The following TNFRSF11A variants were observed in gnomAD, a reference collection of about 807,000 sequenced individuals.
TNFRSF11A encodes the protein TNF receptor superfamily member 11a.
TNFRSF11A carries 32 observed loss-of-function variants against 55.7 expected under a neutral mutation model. That is an observed-to-expected ratio of 0.57 (90% CI 0.43 to 0.77). The LOEUF is 0.77. Among genes scored for constraint, TNFRSF11A ranks in the 30% least tolerant of loss-of-function variants. The pLI is 0.00. For missense variants in TNFRSF11A, 753 were observed against 809.8 expected, an observed-to-expected ratio of 0.93 and a Z score of 0.85; for synonymous variants, 311 against 331.0, an observed-to-expected ratio of 0.94 and a Z score of 0.65.
At chr18:62,384,618 G>A in intron 9 of TNFRSF11A, 133 bp from the exon 10 acceptor site, 4 of 1,024,238 alleles carry the variant, frequency 3.9e-6, no homozygotes, top group Non-Finnish European at 2.9e-6. Context: ...GAGGGTTACA[G>A]TGTGGTTCCC....
intron 3 of TNFRSF11A, among the ~76,000 whole-genome samples, chr18:62,350,905 T>C (rs1449325010): frequency 6.6e-6 from 1 of 152,158 alleles, no homozygotes; most frequent in Non-Finnish European, 1.5e-5. Flanking sequence ...AACCGTGATG[T>C]TAGTCCTGTG....
chr18:62,365,600 G>T (rs1253863849), intron 7 of TNFRSF11A, among the ~76,000 whole-genome samples: 2 of 152,030 alleles, frequency 1.3e-5, no homozygotes, highest in Non-Finnish European at 2.9e-5. Context: ...GTTCTTCTAT[G>T]ATGTCTAACT....
At chr18:62,350,503 A>C (rs1449742269) in intron 3 of TNFRSF11A, among the ~76,000 whole-genome samples, 1 of 152,142 alleles carries the variant, frequency 6.6e-6, no homozygotes, top group Admixed American at 6.5e-5. Context: ...CATGTTAGCC[A>C]GGATGGTCTC....
At chr18:62,347,346 G>T (rs1839442019) in intron 1 of TNFRSF11A, among the ~76,000 whole-genome samples, 1 of 152,164 alleles carries the variant, frequency 6.6e-6, no homozygotes, top group Admixed American at 6.5e-5. Flanking sequence ...ATCAGGAAAA[G>T]AACTTTTCTG....
intron 9 of TNFRSF11A, among the ~76,000 whole-genome samples, chr18:62,375,516 T>C (rs1292252114): frequency 6.6e-6 from 1 of 152,226 alleles, no homozygotes; most frequent in Non-Finnish European, 1.5e-5. Context: ...TCAGTCATAT[T>C]GTGTTCAGGG....
chr18:62,342,752 C>T (rs914742803), intron 1 of TNFRSF11A, among the ~76,000 whole-genome samples: 21 of 152,114 alleles, frequency 1.4e-4, no homozygotes, highest in African/African-American at 5.1e-4. Flanking sequence ...CACTTGTGAC[C>T]GGGAGAAACT....
chr18:62,359,591 C>G (rs565614490), intron 5 of TNFRSF11A, among the ~76,000 whole-genome samples: 29 of 152,232 alleles, frequency 1.9e-4, no homozygotes, highest in African/African-American at 7.0e-4. Context: ...GTTGCCCAGG[C>G]TAGTCTCTAA....
chr18:62,351,029 G>A (rs1359887287), intron 3 of TNFRSF11A, among the ~76,000 whole-genome samples: 4 of 135,650 alleles, frequency 2.9e-5, no homozygotes, highest in Non-Finnish European at 6.2e-5. Context: ...TTGAGATGGA[G>A]TCTTGCTCTG....
At chr18:62,347,913 AC>A (rs773575725) in intron 1 of TNFRSF11A, among the ~76,000 whole-genome samples, 2 of 140,148 alleles carry the variant, frequency 1.4e-5, no homozygotes, top group Non-Finnish European at 1.6e-5. Context: ...AAAAAAAAAA[AC>A]AAAAAAACAA....
intron 3 of TNFRSF11A, among the ~76,000 whole-genome samples, chr18:62,351,304 GA>G (rs2046468455): frequency 6.6e-6 from 1 of 152,144 alleles, no homozygotes; most frequent in Non-Finnish European, 1.5e-5. Context: ...TGCCCGGCCT[GA>G]CCCCTTCTTA....
Position 62,366,787 on chromosome 18 carries a change from T to C in TNFRSF11A, c.783+27T>C, listed in dbSNP as rs376072880. On this transcript the variant is annotated intron_variant, in intron 8 of 9. Transcript: ENST00000586569. Reference sequence around the variant, plus strand: ...TAGAGTGAACAGTTGTTGGTGCCTCTGTTAAGTACATTCAACAGTTAGGCT... The same window carrying C: ...TAGAGTGAACAGTTGTTGGTGCCTCCGTTAAGTACATTCAACAGTTAGGCT... The C allele has an allele frequency of 2.1e-5, 34 of 1,613,366 alleles. No homozygotes were observed. In the African/African-American group the frequency reaches 4.3e-4, roughly 20 times the overall value.
intron 3 of TNFRSF11A, among the ~76,000 whole-genome samples, chr18:62,352,354 A>G (rs1477296458): frequency 6.6e-6 from 1 of 152,228 alleles, no homozygotes; most frequent in Non-Finnish European, 1.5e-5. Context: ...AATGGACAGA[A>G]TTAGAGAATA....
chr18:62,358,715 T>C (rs903773554), intron 5 of TNFRSF11A, among the ~76,000 whole-genome samples: 3 of 152,250 alleles, frequency 2.0e-5, no homozygotes, highest in Non-Finnish European at 4.4e-5. Flanking sequence ...TGTGTACATA[T>C]AGAAGCCTCC....
At position 62,359,951 on chromosome 18, in the gene TNFRSF11A, A is replaced by T; in HGVS notation, c.522-4A>T. 3.1e-6 allele frequency: 5 copies of T among 1,613,526 alleles called. No homozygotes were observed. Among genetic ancestry groups the T allele is most frequent in the Non-Finnish European group, 4.2e-6 (5 of 1,179,518 alleles). On this transcript the variant is annotated splice_polypyrimidine_tract_variant and splice_region_variant and intron_variant, in intron 5 of 9. Coordinates refer to ENST00000586569, the MANE Select transcript of TNFRSF11A (RefSeq NM_003839.4). ...AAAGCACTGAACCACCTTTTCCCCC[A>T]CAGCTGTACCTTCCTTGGAAAGAGA... is the stretch of plus-strand genomic sequence containing the variant.
chr18:62,356,193 T>A (rs1173785064), intron 4 of TNFRSF11A, among the ~76,000 whole-genome samples: 1 of 152,200 alleles, frequency 6.6e-6, no homozygotes, highest in Non-Finnish European at 1.5e-5. Context: ...AGGCACCTGG[T>A]TTTAACCCAA....
chr18:62,353,214 G>A (rs150476023), intron 3 of TNFRSF11A, among the ~76,000 whole-genome samples: 85 of 152,296 alleles, frequency 5.6e-4, no homozygotes, highest in East Asian at 3.7e-3. Context: ...TGATCACCAC[G>A]TAAACTTGTT....
chr18:62,325,312 A>G lies in TNFRSF11A; in HGVS notation c.-41A>G. The G allele has an allele frequency of 3.1e-6, 3 of 954,868 alleles. No individual in the cohort carries two copies. Among genetic ancestry groups the G allele is most frequent in the Non-Finnish European group, 3.8e-6 (3 of 798,410 alleles). 59.1% of individuals were successfully genotyped at this position (954,868 alleles called of 1,614,324 possible). A position where few individuals can be genotyped will look rare whatever the true frequency, so the allele number is the denominator to read the frequency against. On this transcript the variant is annotated 5_prime_UTR_variant, in exon 1 of 10. Transcript: ENST00000586569. This position sits in a 1 kb window ranked among gnomAD's most constrained non-coding sequence, Gnocchi z 4.7. The stretch of plus-strand genomic sequence containing the variant: ...GGCAGCCGCGCCCGCTGGGCCACAG[A>G]GGCCGCTGAGGCCGCGGCGCCCGCC...
chr18:62,363,365 CT>C lies in TNFRSF11A; in HGVS notation c.730+1593del, dbSNP rs386387923. Among the ~76,000 whole-genome samples, 499 of 106,704 alleles carry C rather than the reference CT, an allele frequency of 4.7e-3. 2 individuals carry two copies. Among genetic ancestry groups the C allele is most frequent in the African/African-American group, 0.014 (368 of 26,500 alleles). 70.0% of individuals were successfully genotyped at this position (106,704 alleles called of 152,430 possible). On this transcript the variant is annotated intron_variant, in intron 7 of 9. Transcript: ENST00000586569. Reference sequence around the variant, plus strand: ...AGTGAGCAATGTTTGAGTGATGACCCTTTTTTTTTTTTTTTTTTTTTGAGAC... The same window carrying C: ...AGTGAGCAATGTTTGAGTGATGACCCTTTTTTTTTTTTTTTTTTTTGAGAC...
rs1254994066 is a variant in TNFRSF11A at position 62,369,338 on chromosome 18, A to G, written c.1421A>G (p.Tyr474Cys). The G allele has an allele frequency of 1.2e-6, 2 of 1,609,816 alleles. No individual in the cohort carries two copies. Among genetic ancestry groups the G allele is most frequent in the Non-Finnish European group, 1.7e-6 (2 of 1,178,162 alleles). Residue 474 changes from tyrosine (Y) to cysteine (C), a missense_variant, in exon 9 of 10, where the codon TAT becomes TGT. By Grantham distance (194) the Tyr-to-Cys change is radical (BLOSUM62 -2). Transcript: ENST00000586569. ...PKRGPLPQCA[Y>C]GMGLPPEEEA... is the part of the protein sequence containing the mutation. ...CGTGGACCCTTGCCCCAGTGCGCCTATGGCATGGGCCTTCCCCCTGAAGAA... is the reference window on the plus strand; with the variant it reads ...CGTGGACCCTTGCCCCAGTGCGCCTGTGGCATGGGCCTTCCCCCTGAAGAA...
Sources: allele counts gnomAD v4.1 joint callset (sites outside exome capture counted in the v4.1 genomes callset), GRCh38; gene constraint gnomAD v4.1.1; non-coding constraint Gnocchi (gnomAD v3.1); transcripts MANE v1.5; gene names NCBI Gene and HGNC (gene_info 2026-07-23, HGNC 2026-07-21).